The following PCDHA1 variants were observed in gnomAD, a reference collection of about 807,000 sequenced individuals.
PCDHA1 encodes the protein protocadherin alpha-1.
PCDHA1 carries 42 observed loss-of-function variants against 61.3 expected under a neutral mutation model. The observed-to-expected ratio is 0.69, with a 90% CI of 0.54 to 0.89. The LOEUF (loss-of-function observed/expected upper bound fraction) is 0.89. PCDHA1 is among the 40% of genes least tolerant of loss of function. The pLI is 0.00. For missense variants in PCDHA1, 1,256 were observed against 1,235.3 expected, an observed-to-expected ratio of 1.02 and a Z score of -0.25; for synonymous variants, 610 against 553.8, an observed-to-expected ratio of 1.10 and a Z score of -1.43.
chr5:140,959,622 A>T (rs1489618654), intron 1 of PCDHA1, among the ~76,000 whole-genome samples: 1 of 152,194 alleles, frequency 6.6e-6, no homozygotes, highest in Admixed American at 6.5e-5. Flanking sequence ...TTGTGATAGA[A>T]AAAAAGAGAG....
chr5:140,876,191 C>T (rs1313911800), intron 1 of PCDHA1: 3 of 1,613,760 alleles, frequency 1.9e-6, no homozygotes, highest in Non-Finnish European at 2.5e-6. Context: ...GACAATGGTC[C>T]GGCGTTTGAT....
At chr5:140,878,806 G>A (rs1413152690) in intron 1 of PCDHA1, among the ~76,000 whole-genome samples, 1 of 152,144 alleles carries the variant, frequency 6.6e-6, no homozygotes, top group African/African-American at 2.4e-5. Context: ...AAAAACATAT[G>A]GGGGTCTTGC....
At chr5:140,931,235 C>T (rs1563126725) in intron 1 of PCDHA1, among the ~76,000 whole-genome samples, 1 of 152,116 alleles carries the variant, frequency 6.6e-6, no homozygotes, top group Non-Finnish European at 1.5e-5. Flanking sequence ...AATATGTGAA[C>T]ACTTTTCCTA....
At chr5:140,802,510 C>A in intron 1 of PCDHA1, 1 of 1,614,190 alleles carries the variant, frequency 6.2e-7, no homozygotes, top group African/African-American at 1.3e-5. Context: ...CTGTGGGCCA[C>A]GGCCAGCGTG....
chr5:140,831,896 C>T (rs1408424935), intron 1 of PCDHA1, among the ~76,000 whole-genome samples: 1 of 152,054 alleles, frequency 6.6e-6, no homozygotes, highest in African/African-American at 2.4e-5. Context: ...CTGTGTTTGC[C>T]AAATAGCAAG....
At chr5:141,005,610 G>C (rs1184044588) in intron 3 of PCDHA1, among the ~76,000 whole-genome samples, 1 of 147,582 alleles carries the variant, frequency 6.8e-6, no homozygotes, top group Non-Finnish European at 1.5e-5. Context: ...GCTGAGGCAG[G>C]AGAATGGCGT....
chr5:140,808,583 G>A, intron 1 of PCDHA1: 1 of 1,614,040 alleles, frequency 6.2e-7, no homozygotes, highest in Non-Finnish European at 8.5e-7. Flanking sequence ...GTTCGTGAAG[G>A]AGAACAACCC....
chr5:140,807,848 G>A, intron 1 of PCDHA1: 1 of 1,614,172 alleles, frequency 6.2e-7, no homozygotes, highest in Middle Eastern at 1.6e-4. Flanking sequence ...AGGCAAACCC[G>A]AGTTGACTGG....
intron 1 of PCDHA1, chr5:140,803,848 A>C: frequency 1.7e-6 from 1 of 598,176 alleles, no homozygotes. Context: ...TTTTATTGCT[A>C]AATGCCTGGG....
intron 1 of PCDHA1, among the ~76,000 whole-genome samples, chr5:140,840,979 C>A (rs1290701863): frequency 1.3e-5 from 2 of 151,986 alleles, no homozygotes; most frequent in Non-Finnish European, 2.9e-5. Context: ...AAGAAGAAAT[C>A]CCTAGCTGAA....
intron 1 of PCDHA1, among the ~76,000 whole-genome samples, chr5:140,900,220 A>G (rs2067832167): frequency 6.6e-6 from 1 of 152,132 alleles, no homozygotes; most frequent in South Asian, 2.1e-4. Context: ...GTTGTTGCAA[A>G]TGACTGGATC....
At chr5:140,903,597 T>C (rs1182384058) in intron 1 of PCDHA1, among the ~76,000 whole-genome samples, 1 of 152,218 alleles carries the variant, frequency 6.6e-6, no homozygotes, top group African/African-American at 2.4e-5. Flanking sequence ...GCCTGATAAA[T>C]GCTTAATACA....
At chr5:140,972,027 C>A (rs2096514532) in intron 1 of PCDHA1, among the ~76,000 whole-genome samples, 1 of 152,110 alleles carries the variant, frequency 6.6e-6, no homozygotes, top group African/African-American at 2.4e-5. Flanking sequence ...GATATTCAGG[C>A]ATTTAAGCTA....
At chr5:140,969,775 G>A (rs879968185) in intron 1 of PCDHA1, among the ~76,000 whole-genome samples, 9 of 152,174 alleles carry the variant, frequency 5.9e-5, no homozygotes, top group Admixed American at 5.9e-4. Flanking sequence ...GCCTCTAGGG[G>A]CTATCATAGT....
rs1554151795 is a variant in PCDHA1, at chr5:140,858,568, T to C, written c.2394+69884T>C. On this transcript the variant is annotated intron_variant, in intron 1 of 3. Transcript: ENST00000504120. ...ATTTATGCTTGAATATTTCTAGTGA[T>C]ACCTTTGTAATATAATTTATTCCAG... 5.8e-6 allele frequency: 8 copies of C among 1,371,312 alleles called. 1 individual carries two copies. Among genetic ancestry groups the C allele is most frequent in the African/African-American group, 5.8e-5 (4 of 69,536 alleles). 84.9% of individuals were successfully genotyped at this position (1,371,312 alleles called of 1,614,324 possible).
chr5:141,008,953 A>G (rs1554261966), intron 3 of PCDHA1, among the ~76,000 whole-genome samples: 1 of 152,240 alleles, frequency 6.6e-6, no homozygotes, highest in African/African-American at 2.4e-5. Context: ...CAAAATAGAC[A>G]TCCTAATACA....
In PCDHA1 at chr5:140,786,684, G is replaced by A; in HGVS notation, c.394G>A (p.Val132Ile). The A allele has an allele frequency of 6.2e-7, 1 of 1,614,230 alleles. No individual in the cohort carries two copies. Among genetic ancestry groups the A allele is most frequent in the South Asian group, 1.1e-5 (1 of 91,082 alleles). The change falls in exon 1 of 4, where the codon GTC becomes ATC. Residue 132 changes from valine (V) to isoleucine (I), a missense_variant. Val to Ile is a conservative substitution (Grantham distance 29, BLOSUM62 3). Transcript: ENST00000504120. ...GAAAGACATTAACGATAATCCACCCGTCTTCAGGGGCAGAGAACAAATAAT... is the reference window on the plus strand; with the variant it reads ...GAAAGACATTAACGATAATCCACCCATCTTCAGGGGCAGAGAACAAATAAT... ...KVKDINDNPP[V>I]FRGREQIIFI...
intron 1 of PCDHA1, among the ~76,000 whole-genome samples, chr5:140,958,131 G>A (rs1164407997): frequency 3.9e-5 from 6 of 152,076 alleles, no homozygotes; most frequent in African/African-American, 1.4e-4. Context: ...AAATGTATCA[G>A]TGTGTATATT....
intron 1 of PCDHA1, chr5:140,796,614 G>T (rs544759315): frequency 6.2e-7 from 1 of 1,612,474 alleles, no homozygotes; most frequent in Non-Finnish European, 8.5e-7. Flanking sequence ...GCAACGTGAC[G>T]CTGCAGGTGT....
Sources: gnomAD v4.1 joint callset for allele counts (sites outside exome capture counted in the v4.1 genomes callset) on GRCh38, gnomAD v4.1.1 for gene constraint, MANE v1.5 for transcripts, NCBI Gene and HGNC (gene_info 2026-07-23, HGNC 2026-07-21) for gene names.